Variants in DIAPH2 observed in about 807,000 individuals in gnomAD.
DIAPH2 encodes diaphanous related formin 2.
A neutral mutation model predicts 92.7 loss-of-function variants in DIAPH2; 35 were observed. That is an observed-to-expected ratio of 0.38 (90% CI 0.29 to 0.50). The LOEUF (loss-of-function observed/expected upper bound fraction) is 0.50. DIAPH2 is among the 20% of genes least tolerant of loss of function. The pLI is 0.94. For synonymous variants in DIAPH2, 301 were observed against 280.4 expected (o/e 1.07, Z -0.73); for missense variants, 701 against 819.5 (o/e 0.86, Z 1.77).
chrX:96,794,960 G>C (rs1298827276), intron 4 of DIAPH2, among the ~76,000 whole-genome samples: 4 of 111,435 alleles, frequency 3.6e-5, no homozygotes, highest in Non-Finnish European at 5.7e-5. Flanking sequence ...GCTTTTCCTA[G>C]TGTAACTCTT....
At chrX:97,426,315 C>T (rs1239075804) in intron 25 of DIAPH2, among the ~76,000 whole-genome samples, 1 of 103,876 alleles carries the variant, frequency 9.6e-6, no homozygotes. Context: ...GATGGAGTCT[C>T]GCCCTGTCAC....
At chrX:97,459,130 CT>C (rs2070436215) in intron 26 of DIAPH2, among the ~76,000 whole-genome samples, 1 of 111,974 alleles carries the variant, frequency 8.9e-6, no homozygotes, top group Admixed American at 9.5e-5. Flanking sequence ...TAGAAAACAC[CT>C]TTTTAAACTT....
chrX:97,373,866 T>G (rs1040750358), intron 24 of DIAPH2, among the ~76,000 whole-genome samples: 2 of 109,943 alleles, frequency 1.8e-5, no homozygotes, highest in Non-Finnish European at 3.8e-5. Context: ...CCTCCCAAAG[T>G]GCTAGAATTA....
At position 97,348,093 on chromosome X, in the gene DIAPH2, C is replaced by T. The variant is rs1474859036; in HGVS notation, c.2845-23C>T. 1.1e-5 allele frequency: 13 copies of T among 1,205,633 alleles called. 1 individual carries two copies. The highest frequency in any genetic ancestry group is 1.3e-5 in the Non-Finnish European group (12 of 891,272). ...TTGCCTTTAAAAGGTACTGTTGAGCCATGTTCCTTAACAAAAAGCTACAGC... is the reference window on the plus strand; with the variant it reads ...TTGCCTTTAAAAGGTACTGTTGAGCTATGTTCCTTAACAAAAAGCTACAGC... On this transcript the variant is annotated intron_variant, in intron 23 of 26. Transcript: ENST00000324765.
intron 23 of DIAPH2, among the ~76,000 whole-genome samples, chrX:97,280,753 A>G (rs2068490399): frequency 9.0e-6 from 1 of 110,867 alleles, no homozygotes; most frequent in African/African-American, 3.3e-5. Flanking sequence ...TGTGGATTTT[A>G]CTTCTTTAAT....
At chrX:97,067,582 A>C (rs1373458964) in intron 17 of DIAPH2, among the ~76,000 whole-genome samples, 1 of 111,613 alleles carries the variant, frequency 9.0e-6, no homozygotes, top group Non-Finnish European at 1.9e-5. Context: ...TTAGGCAACC[A>C]CTGTCATTAA....
Position 97,599,306 on chromosome X carries a change from T to G in DIAPH2, c.3295T>G (p.Ser1099Ala). 8.5e-7 allele frequency: 1 copy of G among 1,180,671 alleles called. No individual in the cohort carries two copies. Among genetic ancestry groups the G allele is most frequent in the Non-Finnish European group, 1.1e-6 (1 of 871,838 alleles). ...ACGCTCTCGCCACAATGGAGCTATC[T>G]CATCTAAGTGATTCCTGATGCCAAA... Reference protein sequence around the residue: ...RSRSRHNGAISSK With the variant: ...RSRSRHNGAIASK The change falls in exon 27 of 27, where the codon TCA (serine) becomes GCA (alanine). Residue 1099 changes from serine (S) to alanine (A), a missense_variant. Around this residue, in one of 3 missense-constraint regions of DIAPH2, gnomAD observed 536 missense variants for 599.3 expected, o/e 0.89. Transcript: ENST00000324765.
chrX:97,053,497 A>G (rs752057372), intron 17 of DIAPH2, among the ~76,000 whole-genome samples: 1 of 111,483 alleles, frequency 9.0e-6, no homozygotes, highest in South Asian at 3.8e-4. Flanking sequence ...ATAGTTTCCT[A>G]AACATGAGAT....
chrX:96,958,274 T>G, intron 16 of DIAPH2, 126 bp downstream of exon 16: 2 of 745,723 alleles, frequency 2.7e-6, no homozygotes, highest in Non-Finnish European at 3.6e-6. Context: ...GTTCATCATT[T>G]TATGTCCATC....
At chrX:96,882,971 AAAAAAAAAAAAACAAAAAAAC>A (rs754841169) in intron 5 of DIAPH2, among the ~76,000 whole-genome samples, 31,585 of 98,975 alleles carry the variant, frequency 0.32, 5,054 homozygotes, top group Non-Finnish European at 0.45. Context: ...AAAAAAAAAA[AAAAAAAAAAAAACAAAAAAAC>A]AAAAATCCGG....
chrX:97,093,656 A>G (rs1462927938), intron 19 of DIAPH2, among the ~76,000 whole-genome samples: 2 of 112,531 alleles, frequency 1.8e-5, no homozygotes, highest in East Asian at 5.6e-4. Flanking sequence ...AAAGGTAAAT[A>G]GCATCAAAGG....
At chrX:96,688,710 G>A (rs890044437) in intron 1 of DIAPH2, among the ~76,000 whole-genome samples, 3 of 112,331 alleles carry the variant, frequency 2.7e-5, no homozygotes, top group African/African-American at 9.7e-5. Context: ...TACCTACTGT[G>A]TGCTAGGCAT....
intron 26 of DIAPH2, among the ~76,000 whole-genome samples, chrX:97,584,036 G>A (rs997696669): frequency 1.8e-5 from 2 of 112,540 alleles, no homozygotes; most frequent in African/African-American, 3.2e-5. Flanking sequence ...TTTGGCTCGC[G>A]CACGGTGCGT....
intron 26 of DIAPH2, among the ~76,000 whole-genome samples, chrX:97,448,667 A>G (rs2070333076): frequency 8.9e-6 from 1 of 112,410 alleles, no homozygotes. Flanking sequence ...GTATATCATT[A>G]ACAATTTTTG....
At chrX:96,854,272 G>A (rs2065023120) in intron 4 of DIAPH2, among the ~76,000 whole-genome samples, 1 of 109,887 alleles carries the variant, frequency 9.1e-6, no homozygotes, top group Non-Finnish European at 1.9e-5. Flanking sequence ...GCAGTTAAAG[G>A]CAGTGGAATA....
At chrX:97,507,782 C>A (rs935619328) in intron 26 of DIAPH2, among the ~76,000 whole-genome samples, 1 of 111,409 alleles carries the variant, frequency 9.0e-6, no homozygotes, top group African/African-American at 3.3e-5. Flanking sequence ...TTCATAAAGT[C>A]AGGCTATAGA....
chrX:96,966,887 G>A (rs2065896608), intron 17 of DIAPH2, among the ~76,000 whole-genome samples: 1 of 111,843 alleles, frequency 8.9e-6, no homozygotes, highest in Non-Finnish European at 1.9e-5. Flanking sequence ...GAATATATAT[G>A]AATATCTGTT....
intron 4 of DIAPH2, among the ~76,000 whole-genome samples, chrX:96,836,227 CT>C (rs1292359636): frequency 9.1e-6 from 1 of 110,022 alleles, no homozygotes; most frequent in African/African-American, 3.3e-5. Context: ...TCTCCTAAGT[CT>C]CTTAACCACA....
At chrX:97,583,927 C>T (rs1383409939) in intron 26 of DIAPH2, among the ~76,000 whole-genome samples, 4 of 112,167 alleles carry the variant, frequency 3.6e-5, no homozygotes, top group East Asian at 5.6e-4. Flanking sequence ...GTGGGAGTGA[C>T]CCGATTTTCC....
Sources: allele counts gnomAD v4.1 joint callset (sites outside exome capture counted in the v4.1 genomes callset), GRCh38; gene constraint gnomAD v4.1.1; regional missense constraint gnomAD v4.1.1; transcripts MANE v1.5; gene names NCBI Gene and HGNC (gene_info 2026-07-23, HGNC 2026-07-21).